The following ZNF606 variants were observed in gnomAD, a reference collection of about 807,000 sequenced individuals.
ZNF606 encodes zinc finger protein 606.
In ZNF606, 37 loss-of-function variants were observed where a neutral mutation model predicts 74.9. The ratio of observed to expected loss-of-function variants is 0.49; its 90% CI spans 0.38 to 0.65. ZNF606 has a LOEUF of 0.65. ZNF606 is among the 30% of genes least tolerant of loss of function. The pLI, the probability that ZNF606 is intolerant of heterozygous loss-of-function variation, is 0.00. For missense variants in ZNF606, 852 were observed against 952.9 expected (o/e 0.89, Z 1.39); for synonymous variants, 328 against 312.4 (o/e 1.05, Z -0.53).
chr19:57,990,061 A>AAAAAAAAAAG, intron 4 of ZNF606, among the ~76,000 whole-genome samples: 1 of 144,052 alleles, frequency 6.9e-6, no homozygotes, highest in Non-Finnish European at 1.5e-5. Context: ...CAAAAAAAAA[A>AAAAAAAAAAG]AAAAAAAAAA....
At position 57,988,540 on chromosome 19, in the gene ZNF606, G is replaced by A. The variant is rs190904064; in HGVS notation, c.304+55C>T. 1.6e-5 allele frequency: 25 copies of A among 1,579,292 alleles called. No homozygotes were observed. In the East Asian group the frequency reaches 5.4e-4, roughly 34 times the overall value. On this transcript the variant is annotated intron_variant, in intron 5 of 6. Transcript: ENST00000551380. ...GCAATGAGCTTCTAAACATGGAGCA[G>A]CTGAAGGCATTACCATGGGAACAGC...
At chr19:57,991,160 G>A (rs778447780) in intron 4 of ZNF606, among the ~76,000 whole-genome samples, 1 of 151,826 alleles carries the variant, frequency 6.6e-6, no homozygotes, top group Non-Finnish European at 1.5e-5. Context: ...TTTATTATCC[G>A]TTTTCCTGTT....
chr19:57,980,426 A>C, intron 6 of ZNF606, 147 bp from the exon 7 acceptor site: 1 of 765,366 alleles, frequency 1.3e-6, no homozygotes, highest in Non-Finnish European at 2.1e-6. Context: ...AAAGATCATA[A>C]TAGGGAAAAG....
intron 6 of ZNF606, among the ~76,000 whole-genome samples, chr19:57,986,909 C>T (rs1417048665): frequency 6.6e-6 from 1 of 152,038 alleles, no homozygotes; most frequent in Non-Finnish European, 1.5e-5. Flanking sequence ...TATAGTGAGA[C>T]CTTGTCTCTA....
intron 4 of ZNF606, among the ~76,000 whole-genome samples, chr19:57,994,714 A>C (rs1336483901): frequency 6.6e-6 from 1 of 152,236 alleles, no homozygotes; most frequent in African/African-American, 2.4e-5. Context: ...AAGAAGATGC[A>C]CATTAAAGGA....
chr19:57,985,709 A>T (rs1048913608), intron 6 of ZNF606, among the ~76,000 whole-genome samples: 2 of 151,892 alleles, frequency 1.3e-5, no homozygotes, highest in African/African-American at 2.4e-5. Context: ...TGGGTGGATC[A>T]TGAGGTCAAG....
Position 57,979,493 on chromosome 19 carries a change from G to A in ZNF606, c.1187C>T (p.Ala396Val), listed in dbSNP as rs1286012273. 6.2e-7 allele frequency: 1 copy of A among 1,614,012 alleles called. No individual in the cohort carries two copies. Among genetic ancestry groups the A allele is most frequent in the Non-Finnish European group, 8.5e-7 (1 of 1,180,036 alleles). Residue 396 changes from alanine (A) to valine (V), a missense_variant, in exon 7 of 7, where the codon GCA becomes GTA. Transcript: ENST00000551380. ...TTCATTGTAGTCATAGGGTTTCTCTGCAGTGTAAGTGCTTGTATGTTGAGT... is the reference window on the plus strand; with the variant it reads ...TTCATTGTAGTCATAGGGTTTCTCTACAGTGTAAGTGCTTGTATGTTGAGT... ...FLTQHTSTYTAEKPYDYNECG... is the reference protein window; with the variant it reads ...FLTQHTSTYTVEKPYDYNECG...
chr19:57,987,688 C>A (rs1048191117), intron 6 of ZNF606, among the ~76,000 whole-genome samples: 1 of 151,994 alleles, frequency 6.6e-6, no homozygotes, highest in African/African-American at 2.4e-5. Flanking sequence ...ACTAGCCAGG[C>A]ATGGTGGCGG....
chr19:57,979,270 A>T lies in ZNF606; in HGVS notation c.1410T>A (p.His470Gln), dbSNP rs1272108991. Residue 470 changes from histidine to glutamine, a missense_variant, in exon 7 of 7, where the codon CAT becomes CAA. By Grantham distance (24) the His-to-Gln change is conservative. This residue lies in a region of ZNF606 where 243 missense variants were observed against 359.2 expected (regional missense o/e 0.68). Coordinates refer to ENST00000551380, the MANE Select transcript of ZNF606 (RefSeq NM_001348022.3). ...TATGAATTCTCTTATGTACAATAAG[A>T]TGAGAATTCCAGCTGAAGGCTTTTC... ...KCGKAFSWNSHLIVHKRIHTG... is the reference protein window; with the variant it reads ...KCGKAFSWNSQLIVHKRIHTG... The T allele has an allele frequency of 6.2e-7, 1 of 1,614,036 alleles. No homozygotes were observed. Among genetic ancestry groups the T allele is most frequent in the Non-Finnish European group, 8.5e-7 (1 of 1,179,996 alleles).
chr19:57,985,299 A>C (rs10418974), intron 6 of ZNF606, among the ~76,000 whole-genome samples: 34,242 of 152,078 alleles, frequency 0.23, 3,945 homozygotes, highest in Non-Finnish European at 0.24. Flanking sequence ...CTGGTACTTC[A>C]GTGAGCAGAA....
At chr19:57,982,674 C>T (rs2073102892) in intron 6 of ZNF606, among the ~76,000 whole-genome samples, 1 of 152,114 alleles carries the variant, frequency 6.6e-6, no homozygotes, top group Non-Finnish European at 1.5e-5. Flanking sequence ...CAGGGTCTCA[C>T]TCAGGCAGGA....
upstream of ZNF606, chr19:58,003,062 G>A (rs1483150535): frequency 2.4e-6 from 1 of 408,804 alleles, no homozygotes; most frequent in Admixed American, 2.8e-5. Flanking sequence ...TCGCGGCCCC[G>A]CGGGCCTCGG....
intron 3 of ZNF606, 41 bp downstream of exon 3, chr19:58,000,642 C>T (rs752754116): frequency 8.1e-6 from 13 of 1,610,808 alleles, no homozygotes; most frequent in South Asian, 5.5e-5. Flanking sequence ...AGCCAGAGGC[C>T]ACAATATGGC....
chr19:57,986,591 A>G (rs1374862925), intron 6 of ZNF606, among the ~76,000 whole-genome samples: 1 of 152,144 alleles, frequency 6.6e-6, no homozygotes. Flanking sequence ...TCTTGTTTCT[A>G]GCTCCTTTTT....
chr19:57,984,869 C>T (rs1376164192), intron 6 of ZNF606, among the ~76,000 whole-genome samples: 2 of 152,016 alleles, frequency 1.3e-5, no homozygotes, highest in African/African-American at 4.8e-5. Context: ...CTGAGGCGGA[C>T]GGATCACGAG....
chr19:57,995,684 T>C (rs1268986496), intron 4 of ZNF606, among the ~76,000 whole-genome samples: 2 of 152,018 alleles, frequency 1.3e-5, no homozygotes, highest in African/African-American at 4.8e-5. Context: ...CCAGATATGG[T>C]GGCACACGCC....
At position 58,001,365 on chromosome 19, in the gene ZNF606, C is replaced by T; in HGVS notation, c.-46G>A. ...GCACCTGCCCAGGAACACAGCAAAT[C>T]CCAACCTAGTGACAAAAGTGAAAAA... is the stretch of plus-strand genomic sequence containing the variant. On this transcript the variant is annotated 5_prime_UTR_variant, in exon 2 of 7. Coordinates refer to ENST00000551380, the MANE Select transcript of ZNF606 (RefSeq NM_001348022.3). The T allele has an allele frequency of 6.2e-7, 1 of 1,613,606 alleles. No homozygotes were observed. The highest frequency in any genetic ancestry group is 1.1e-5 in the South Asian group (1 of 91,050).
rs1387065634 is a variant in ZNF606 at position 57,978,962 on chromosome 19, C to T, written c.1718G>A (p.Cys573Tyr). Residue 573 changes from cysteine (C) to tyrosine (Y), a missense_variant, in exon 7 of 7, where the codon TGT (cysteine) becomes TAT (tyrosine). Cys to Tyr is a radical substitution (Grantham distance 194). Coordinates refer to ENST00000551380, the MANE Select transcript of ZNF606 (RefSeq NM_001348022.3). The surrounding 1 kb of genome is among the most constrained non-coding windows in gnomAD (Gnocchi z 4.4). ...SGAKPYKCTE[C>Y]GKSFSWSSHL... ...GGAGCTCCAGCTGAAGGATTTTCCACATTCAGTACATTTATATGGTTTTGC... is the reference window on the plus strand; with the variant it reads ...GGAGCTCCAGCTGAAGGATTTTCCATATTCAGTACATTTATATGGTTTTGC... 1 of 1,614,194 alleles carries T rather than the reference C, an allele frequency of 6.2e-7. No homozygotes were observed. Among genetic ancestry groups the T allele is most frequent in the South Asian group, 1.1e-5 (1 of 91,086 alleles).
chr19:57,978,595 G>C lies in ZNF606; in HGVS notation c.2085C>G (p.Leu695=). The change falls in exon 7 of 7, where the codon CTC becomes CTG. Residue 695 remains leucine, a synonymous_variant. Coordinates refer to ENST00000551380, the MANE Select transcript of ZNF606 (RefSeq NM_001348022.3). This position sits in a 1 kb window ranked among gnomAD's most constrained non-coding sequence, Gnocchi z 4.4. The part of the protein sequence containing the change: ...CERSFNCSSH[L]IAHRRTHTGE... ...CAGTATGAGTTCTCCGGTGTGCAAT[G>C]AGGTGAGAACTACAGTTAAAGGATC... 6.2e-7 allele frequency: 1 copy of C among 1,613,854 alleles called. No individual in the cohort carries two copies.
Sources: allele counts gnomAD v4.1 joint callset (sites outside exome capture counted in the v4.1 genomes callset), GRCh38; gene constraint gnomAD v4.1.1; regional missense constraint gnomAD v4.1.1; non-coding constraint Gnocchi (gnomAD v3.1); transcripts MANE v1.5; gene names NCBI Gene and HGNC (gene_info 2026-07-23, HGNC 2026-07-21).